CNTN4: variants seen among roughly 807,000 people sequenced by gnomAD.
CNTN4 encodes the protein contactin-4.
Under a neutral mutation model 122.5 loss-of-function variants are expected in CNTN4, and 77 were observed. The observed-to-expected ratio is 0.63, with a 90% CI of 0.52 to 0.76. The LOEUF (loss-of-function observed/expected upper bound fraction) is 0.76, where lower values mean the gene tolerates loss of function less well. CNTN4 is among the 30% of genes least tolerant of loss of function. The pLI is 0.00. For missense variants in CNTN4, 1,256 were observed against 1,259.1 expected (o/e 1.00, Z 0.04); for synonymous variants, 512 against 447.0 (o/e 1.15, Z -1.83).
At chr3:2,842,811 C>A (rs1048474825) in intron 7 of CNTN4, among the ~76,000 whole-genome samples, 2 of 152,042 alleles carry the variant, frequency 1.3e-5, no homozygotes, top group Non-Finnish European at 2.9e-5. Context: ...CTCTTGGTAC[C>A]CCCTTTAAAT....
chr3:2,619,943 A>G (rs1576243346), intron 4 of CNTN4, among the ~76,000 whole-genome samples: 1 of 152,152 alleles, frequency 6.6e-6, no homozygotes, highest in African/African-American at 2.4e-5. Context: ...GATAGGGGCT[A>G]TGCTTTGTTT....
chr3:2,823,195 A>G (rs907228666), intron 7 of CNTN4, among the ~76,000 whole-genome samples: 7 of 152,188 alleles, frequency 4.6e-5, no homozygotes, highest in African/African-American at 1.7e-4. Flanking sequence ...CATACTGAGC[A>G]TTTTAGACCC....
intron 2 of CNTN4, among the ~76,000 whole-genome samples, chr3:2,221,385 C>T (rs1240251867): frequency 6.6e-6 from 1 of 151,722 alleles, no homozygotes; most frequent in Non-Finnish European, 1.5e-5. Flanking sequence ...TACCTCACAC[C>T]ATATACAAAT....
chr3:2,596,684 G>T (rs537942887), intron 4 of CNTN4, among the ~76,000 whole-genome samples: 5 of 151,952 alleles, frequency 3.3e-5, no homozygotes, highest in East Asian at 3.9e-4. Flanking sequence ...GCAATCATTT[G>T]CCCCTGTTCA....
In CNTN4 at chr3:2,654,856, C is replaced by T. The variant is rs528265067; in HGVS notation, c.56-81359C>T. Among the ~76,000 whole-genome samples the T allele has an allele frequency of 1.3e-4, 20 of 152,192 alleles. No homozygotes were observed. The East Asian group carries it at 2.1e-3, about 16-fold the overall frequency. Reference sequence around the variant, plus strand: ...CATAGCAGCTTCTTTGCTTCTTCTTCTTATCTTCTGCGTGGCACTAGCTAG... The same window carrying T: ...CATAGCAGCTTCTTTGCTTCTTCTTTTTATCTTCTGCGTGGCACTAGCTAG... On this transcript the variant is annotated intron_variant, in intron 4 of 24. Transcript: ENST00000418658.
At chr3:2,377,202 A>G (rs186108683) in intron 3 of CNTN4, among the ~76,000 whole-genome samples, 35 of 151,884 alleles carry the variant, frequency 2.3e-4, no homozygotes, top group Non-Finnish European at 4.1e-4. Context: ...TTTCATTCCA[A>G]GTTTTTAGAT....
chr3:2,507,885 C>G (rs1041590082), intron 3 of CNTN4, among the ~76,000 whole-genome samples: 5 of 151,774 alleles, frequency 3.3e-5, no homozygotes, highest in South Asian at 2.1e-4. Context: ...TTCTCCCTCT[C>G]CACACACACA....
chr3:2,698,406 T>C (rs541053863), intron 4 of CNTN4, among the ~76,000 whole-genome samples: 14 of 152,274 alleles, frequency 9.2e-5, no homozygotes, highest in Middle Eastern at 3.4e-3. Context: ...GGATTTATGT[T>C]TTAGAGATTA....
intron 4 of CNTN4, among the ~76,000 whole-genome samples, chr3:2,692,698 C>CT (rs991560022): frequency 2.6e-5 from 4 of 152,000 alleles, no homozygotes; most frequent in African/African-American, 9.7e-5. Flanking sequence ...TGTGGTGACT[C>CT]TGTCAAGAAA....
At position 2,412,361 on chromosome 3, in the gene CNTN4, C is replaced by T. The variant is rs907114400; in HGVS notation, c.-89+73128C>T. On this transcript the variant is annotated intron_variant, in intron 3 of 24. Transcript: ENST00000418658. ...CCTCCTCCCGGGTTCAAGTGATTCT[C>T]CTGCTTCAGCCTCCCGAGTAGCTGG... is the stretch of plus-strand genomic sequence containing the variant. 1.3e-5 allele frequency among the ~76,000 whole-genome samples: 2 copies of T among 152,028 alleles called. 1 individual carries two copies. The highest frequency in any genetic ancestry group is 3.9e-4 in the East Asian group (2 of 5,180).
At chr3:2,375,967 T>C (rs1435930949) in intron 3 of CNTN4, among the ~76,000 whole-genome samples, 2 of 152,050 alleles carry the variant, frequency 1.3e-5, no homozygotes, top group Non-Finnish European at 2.9e-5. Context: ...TTCAGCTTAA[T>C]GGTTGATATA....
chr3:2,580,774 C>G (rs1220674071), intron 4 of CNTN4, among the ~76,000 whole-genome samples: 1 of 152,138 alleles, frequency 6.6e-6, no homozygotes, highest in Non-Finnish European at 1.5e-5. Context: ...ATTTATATGC[C>G]AGATACAGCA....
chr3:2,269,897 AGTTTGTTT>A (rs138625814), intron 2 of CNTN4, among the ~76,000 whole-genome samples: 1,292 of 68,790 alleles, frequency 0.019, 335 homozygotes, highest in South Asian at 0.053. Flanking sequence ...TATTATAGCC[AGTTTGTTT>A]GTTTGTTTGT....
At chr3:2,135,734 G>A (rs1371404029) in intron 2 of CNTN4, among the ~76,000 whole-genome samples, 2 of 152,188 alleles carry the variant, frequency 1.3e-5, no homozygotes, top group Admixed American at 1.3e-4. Flanking sequence ...GTCTTCACAA[G>A]TGTAGCTCTA....
rs149163232 is a variant in CNTN4 at position 2,970,130 on chromosome 3, CGCCCAG to C, written c.1359-18212_1359-18207del. The stretch of plus-strand genomic sequence containing the variant: ...TTTAAGAGAGACAGTCTTGCTCTGT[CGCCCAG>C]GCTGGAGTGCAGCAGCAGCATAATC... On this transcript the variant is annotated intron_variant, in intron 13 of 24. Transcript: ENST00000418658. 1.6e-3 allele frequency among the ~76,000 whole-genome samples: 239 copies of C among 152,254 alleles called. 1 individual carries two copies. The highest frequency in any genetic ancestry group is 2.9e-3 in the Non-Finnish European group (198 of 68,014).
intron 14 of CNTN4, among the ~76,000 whole-genome samples, chr3:3,000,167 CA>C (rs1464381894): frequency 6.6e-6 from 1 of 151,138 alleles, no homozygotes; most frequent in African/African-American, 2.4e-5. Flanking sequence ...TATGAGTCTA[CA>C]ATATATATAC....
At chr3:2,135,139 A>G (rs1008254685) in intron 2 of CNTN4, among the ~76,000 whole-genome samples, 1 of 152,142 alleles carries the variant, frequency 6.6e-6, no homozygotes, top group Non-Finnish European at 1.5e-5. Context: ...GCCAGCATTG[A>G]AAAGGATGTG....
intron 4 of CNTN4, among the ~76,000 whole-genome samples, chr3:2,629,883 C>A (rs1290927901): frequency 5.3e-5 from 8 of 152,130 alleles, no homozygotes; most frequent in Non-Finnish European, 7.4e-5. Context: ...GCCAGCCCAA[C>A]CTGCCGCAGA....
chr3:2,732,902 C>G (rs775564993), intron 4 of CNTN4, among the ~76,000 whole-genome samples: 6 of 152,090 alleles, frequency 3.9e-5, no homozygotes, highest in African/African-American at 7.2e-5. Flanking sequence ...AATACTATTC[C>G]CTTTATGCTA....
Sources: allele counts gnomAD v4.1 joint callset (sites outside exome capture counted in the v4.1 genomes callset), GRCh38; gene constraint gnomAD v4.1.1; transcripts MANE v1.5; gene names NCBI Gene and HGNC (gene_info 2026-07-23, HGNC 2026-07-21).